CSMD1: variants seen among roughly 807,000 people sequenced by gnomAD.
CSMD1 encodes the protein CUB and sushi domain-containing protein 1.
In CSMD1, 213 loss-of-function variants were observed where a neutral mutation model predicts 417.5. That is an observed-to-expected ratio of 0.51 (90% CI 0.46 to 0.57). CSMD1 has a LOEUF of 0.57. Ranked by LOEUF, CSMD1 falls within the 20% of genes least tolerant of loss-of-function variation. The pLI is 0.00. For missense variants in CSMD1, 6,923 were observed against 4,529.7 expected (o/e 1.53, Z -15.17); for synonymous variants, 2,862 against 1,736.8 (o/e 1.65, Z -16.11).
rs770018480 is a variant in CSMD1 at position 4,637,492 on chromosome 8, C to T, written c.152G>A (p.Gly51Glu). 1 of 1,613,672 alleles carries T rather than the reference C, an allele frequency of 6.2e-7. No individual in the cohort carries two copies. The highest frequency in any genetic ancestry group is 8.5e-7 in the Non-Finnish European group (1 of 1,179,870). ...GGTGCAGTTGGCATAGTTCGGATAC[C>T]CGTGAGGAAACCCTGGGCTCTCAAT... is the stretch of plus-strand genomic sequence containing the variant. Reference protein sequence around the residue: ...GTIESPGFPHGYPNYANCTWI... With the variant: ...GTIESPGFPHEYPNYANCTWI... Residue 51 changes from glycine (G) to glutamate (E), a missense_variant, in exon 2 of 70, where the codon GGG becomes GAG. Gly to Glu is a moderately conservative substitution (Grantham distance 98). Coordinates refer to ENST00000635120, the MANE Select transcript of CSMD1 (RefSeq NM_033225.6).
chr8:4,174,002 C>G (rs187399837), intron 3 of CSMD1, among the ~76,000 whole-genome samples: 4 of 152,126 alleles, frequency 2.6e-5, no homozygotes, highest in Non-Finnish European at 4.4e-5. Context: ...GTGACCATGC[C>G]TGGATCAATC....
chr8:3,332,259 A>T (rs1192604689), intron 23 of CSMD1, among the ~76,000 whole-genome samples: 1 of 152,242 alleles, frequency 6.6e-6, no homozygotes, highest in Non-Finnish European at 1.5e-5. Context: ...AACATTGATG[A>T]CAATTGTATC....
intron 1 of CSMD1, among the ~76,000 whole-genome samples, chr8:4,812,729 C>T (rs569458366): frequency 6.6e-6 from 1 of 152,228 alleles, no homozygotes; most frequent in Non-Finnish European, 1.5e-5. Flanking sequence ...AAAGAAATTG[C>T]CTTTCTTCAC....
intron 12 of CSMD1, among the ~76,000 whole-genome samples, chr8:3,462,145 G>T (rs866808683): frequency 1.3e-5 from 2 of 151,566 alleles, no homozygotes; most frequent in Middle Eastern, 3.4e-3. Context: ...CCTCCCAGCT[G>T]CTCGGGACCC....
At chr8:4,261,733 A>C (rs1210193981) in intron 3 of CSMD1, among the ~76,000 whole-genome samples, 1 of 152,112 alleles carries the variant, frequency 6.6e-6, no homozygotes, top group African/African-American at 2.4e-5. Context: ...AAATGCCCCC[A>C]TCACACACAG....
At chr8:3,386,559 G>A (rs1008414265) in intron 18 of CSMD1, among the ~76,000 whole-genome samples, 2 of 152,184 alleles carry the variant, frequency 1.3e-5, no homozygotes, top group African/African-American at 4.8e-5. Flanking sequence ...CATAAACCCT[G>A]TTATTTTGGG....
intron 10 of CSMD1, among the ~76,000 whole-genome samples, chr8:3,542,054 C>T (rs189312215): frequency 4.6e-5 from 7 of 152,226 alleles, no homozygotes; most frequent in Non-Finnish European, 8.8e-5. Context: ...TCTACTTCCA[C>T]CTATGTGCAC....
At chr8:4,764,867 C>A (rs564232145) in intron 1 of CSMD1, among the ~76,000 whole-genome samples, 9 of 51,588 alleles carry the variant, frequency 1.7e-4, no homozygotes, top group Non-Finnish European at 2.2e-4. Flanking sequence ...AGCGAGACTC[C>A]ATCTCAAAAA....
intron 54 of CSMD1, among the ~76,000 whole-genome samples, chr8:2,996,799 T>C (rs190366247): frequency 3.9e-5 from 6 of 152,350 alleles, no homozygotes; most frequent in Admixed American, 3.3e-4. Context: ...ATCAGATATT[T>C]CCCATGTAAT....
chr8:3,012,307 T>G (rs1298926429), intron 52 of CSMD1, among the ~76,000 whole-genome samples: 2 of 152,204 alleles, frequency 1.3e-5, no homozygotes, highest in Non-Finnish European at 2.9e-5. Context: ...TCATCTTTTC[T>G]TTCCTTAAAT....
At chr8:3,800,109 A>G (rs1015207813) in intron 5 of CSMD1, among the ~76,000 whole-genome samples, 2 of 152,138 alleles carry the variant, frequency 1.3e-5, no homozygotes, top group African/African-American at 4.8e-5. Flanking sequence ...GATCCACTGA[A>G]GTATATGGCG....
intron 40 of CSMD1, among the ~76,000 whole-genome samples, chr8:3,145,270 G>A (rs941692780): frequency 4.6e-5 from 7 of 152,148 alleles, no homozygotes; most frequent in South Asian, 2.1e-4. Flanking sequence ...AAGGAAAACC[G>A]GGGCCAGATT....
chr8:3,964,705 C>T (rs563671232), intron 5 of CSMD1, among the ~76,000 whole-genome samples: 34 of 152,250 alleles, frequency 2.2e-4, no homozygotes, highest in Middle Eastern at 3.4e-3. Flanking sequence ...ATTAAATAAA[C>T]GCTTCAAAAT....
intron 3 of CSMD1, among the ~76,000 whole-genome samples, chr8:4,047,439 C>T (rs972720804): frequency 3.9e-5 from 6 of 152,098 alleles, no homozygotes; most frequent in Non-Finnish European, 5.9e-5. Flanking sequence ...TGGCATTTTT[C>T]CCAGGGAATT....
Position 4,602,720 on chromosome 8 carries a change from G to T in CSMD1, c.302+34622C>A, listed in dbSNP as rs1050535297. On this transcript the variant is annotated intron_variant, in intron 2 of 69. Transcript: ENST00000635120. ...AGATCTTCATTGTTGTTATCTACAA[G>T]GAAGCCACCAGCATCTACAGATAAC... Among the ~76,000 whole-genome samples, 15 of 152,020 alleles carry T rather than the reference G, an allele frequency of 9.9e-5. No homozygotes were observed. In the South Asian group the frequency reaches 1.7e-3, roughly 17 times the overall value.
intron 1 of CSMD1, among the ~76,000 whole-genome samples, chr8:4,652,655 T>C (rs1803973261): frequency 6.6e-6 from 1 of 151,676 alleles, no homozygotes; most frequent in African/African-American, 2.4e-5. Flanking sequence ...TGTCTCAAAA[T>C]TTAAAAAAAA....
At chr8:4,368,138 T>C (rs547851186) in intron 3 of CSMD1, among the ~76,000 whole-genome samples, 3 of 152,172 alleles carry the variant, frequency 2.0e-5, no homozygotes, top group Admixed American at 6.5e-5. Flanking sequence ...ATGGTGTTCA[T>C]AGATGATCAT....
chr8:4,812,068 G>C (rs893118998), intron 1 of CSMD1, among the ~76,000 whole-genome samples: 1 of 152,122 alleles, frequency 6.6e-6, no homozygotes, highest in Non-Finnish European at 1.5e-5. Context: ...TAAAACTTTG[G>C]CTTTGACATC....
At chr8:4,454,342 C>T (rs545379557) in intron 2 of CSMD1, among the ~76,000 whole-genome samples, 1 of 152,302 alleles carries the variant, frequency 6.6e-6, no homozygotes, top group Admixed American at 6.5e-5. Context: ...CATGCAGCTT[C>T]ATCTTACTTT....
Sources: allele counts gnomAD v4.1 joint callset (sites outside exome capture counted in the v4.1 genomes callset), GRCh38; gene constraint gnomAD v4.1.1; transcripts MANE v1.5; gene names NCBI Gene and HGNC (gene_info 2026-07-23, HGNC 2026-07-21).